DENND2B: variants seen among roughly 807,000 people sequenced by gnomAD.
DENND2B encodes DENN domain-containing protein 2B.
Under a neutral mutation model 116.0 loss-of-function variants are expected in DENND2B, and 32 were observed. The observed-to-expected ratio is 0.28, with a 90% confidence interval of 0.21 to 0.37. The LOEUF (loss-of-function observed/expected upper bound fraction) is 0.37. Ranked by LOEUF, DENND2B falls within the 10% of genes least tolerant of loss-of-function variation. The pLI is 1.00. For missense variants in DENND2B, 1,276 were observed against 1,477.7 expected (o/e 0.86, Z 2.24); for synonymous variants, 588 against 583.9 (o/e 1.01, Z -0.10).
At chr11:8,718,947 T>C in intron 4 of DENND2B, 1 of 988,436 alleles carries the variant, frequency 1.0e-6, no homozygotes, top group Non-Finnish European at 1.2e-6. Flanking sequence ...AACAGGTCCC[T>C]GGGGAACTCA....
intron 1 of DENND2B, among the ~76,000 whole-genome samples, chr11:8,807,437 T>C (rs1016020788): frequency 6.6e-6 from 1 of 152,056 alleles, no homozygotes; most frequent in Admixed American, 6.5e-5. Context: ...CCATGATACT[T>C]GGATTGCCCT....
chr11:8,756,534 C>T (rs1033404076), intron 1 of DENND2B, among the ~76,000 whole-genome samples: 3 of 152,206 alleles, frequency 2.0e-5, no homozygotes, highest in Non-Finnish European at 2.9e-5. Context: ...CTCACAGGGG[C>T]GCACTAGGTT....
intron 2 of DENND2B, among the ~76,000 whole-genome samples, chr11:8,731,615 A>G (rs541322183): frequency 3.3e-5 from 5 of 152,282 alleles, no homozygotes; most frequent in African/African-American, 1.2e-4. Context: ...TTAGAGAGGC[A>G]GAGGCAAGAG....
intron 3 of DENND2B, among the ~76,000 whole-genome samples, chr11:8,726,985 A>C (rs916507439): frequency 6.6e-6 from 1 of 152,076 alleles, no homozygotes; most frequent in Non-Finnish European, 1.5e-5. Flanking sequence ...CCTTTGGACA[A>C]CCTTCCTCTC....
intron 8 of DENND2B, among the ~76,000 whole-genome samples, chr11:8,713,095 C>T (rs934876166): frequency 1.1e-5 from 1 of 88,522 alleles, no homozygotes; most frequent in African/African-American, 4.3e-5. Flanking sequence ...CCTTGGGCCC[C>T]TAGCAGGACA....
chr11:8,718,611 C>A, intron 4 of DENND2B: 1 of 1,339,220 alleles, frequency 7.5e-7, no homozygotes, highest in South Asian at 2.0e-5. Context: ...TCAACACTCC[C>A]CTTTTGGAAC....
chr11:8,806,908 C>CTTTTTTTTT (rs71059181), intron 1 of DENND2B, among the ~76,000 whole-genome samples: 15 of 146,486 alleles, frequency 1.0e-4, no homozygotes, highest in Non-Finnish European at 9.0e-5. Flanking sequence ...GCCAGATGGT[C>CTTTTTTTTT]TTTTTTTTTT....
intron 3 of DENND2B, among the ~76,000 whole-genome samples, chr11:8,849,426 G>C (rs2062925937): frequency 6.8e-6 from 1 of 147,288 alleles, no homozygotes; most frequent in African/African-American, 2.5e-5. Flanking sequence ...CTGGGAGGTG[G>C]AGGTTGCCAT....
At chr11:8,786,915 T>C (rs2058964400) in intron 1 of DENND2B, 1 of 152,252 alleles carries the variant, frequency 6.6e-6, no homozygotes, top group Admixed American at 6.5e-5. Context: ...TTCTATGTTA[T>C]TAACATGACT....
At chr11:8,729,169 G>A (rs1362647018) in intron 3 of DENND2B, among the ~76,000 whole-genome samples, 1 of 152,214 alleles carries the variant, frequency 6.6e-6, no homozygotes, top group Non-Finnish European at 1.5e-5. Context: ...GGGGTTAGAT[G>A]AGAATGGCAG....
intron 2 of DENND2B, among the ~76,000 whole-genome samples, chr11:8,861,722 T>C (rs1411607600): frequency 1.3e-5 from 2 of 152,176 alleles, no homozygotes; most frequent in African/African-American, 4.8e-5. Flanking sequence ...AAAAAGATAC[T>C]TGCACAAATA....
rs901874697 is a variant in DENND2B, at chr11:8,861,412, C to T, written c.-249-3976G>A. The stretch of plus-strand genomic sequence containing the variant: ...TGAAAAGAAGATATACAAATAGCCA[C>T]GAAATATATGAAAAAAATGCTCAAC... On this transcript the variant is annotated intron_variant, in intron 2 of 6. Transcript: ENST00000524757. Among the ~76,000 whole-genome samples, 4 of 151,838 alleles carry T rather than the reference C, an allele frequency of 2.6e-5. No individual in the cohort carries two copies. The East Asian group carries it at 5.8e-4, about 22-fold the overall frequency.
upstream of DENND2B, among the ~76,000 whole-genome samples, chr11:8,873,782 A>C (rs1484588459): frequency 6.6e-6 from 1 of 152,230 alleles, no homozygotes; most frequent in African/African-American, 2.4e-5. Flanking sequence ...GAATAAATGA[A>C]AGATAAATAA....
chr11:8,761,222 A>C (rs2054568271), intron 1 of DENND2B, among the ~76,000 whole-genome samples: 1 of 152,246 alleles, frequency 6.6e-6, no homozygotes, highest in Non-Finnish European at 1.5e-5. Flanking sequence ...TGTTTCTCAC[A>C]TAGTTTTAAA....
At chr11:8,804,369 TGG>T (rs34970475) in intron 1 of DENND2B, among the ~76,000 whole-genome samples, 1 of 151,686 alleles carries the variant, frequency 6.6e-6, no homozygotes, top group Non-Finnish European at 1.5e-5. Flanking sequence ...CCATAAGACA[TGG>T]GGAGCTGTCT....
intron 2 of DENND2B, among the ~76,000 whole-genome samples, chr11:8,740,067 G>A (rs1225965255): frequency 6.6e-6 from 1 of 151,738 alleles, no homozygotes. Context: ...GCATGCCCCC[G>A]TGGTCCCAGC....
intron 1 of DENND2B, among the ~76,000 whole-genome samples, chr11:8,797,857 C>G (rs2059970441): frequency 6.6e-6 from 1 of 152,176 alleles, no homozygotes; most frequent in African/African-American, 2.4e-5. Context: ...CACCCCGACA[C>G]CCCCTTGCTC....
In DENND2B at chr11:8,834,283, T is replaced by G. The variant is rs140495520; in HGVS notation, c.-115+5027A>C. Among the ~76,000 whole-genome samples the G allele has an allele frequency of 4.3e-3, 661 of 152,286 alleles. 9 individuals are homozygous for G. Among genetic ancestry groups the G allele is most frequent in the African/African-American group, 0.015 (624 of 41,552 alleles). ...ACACAGTGCACTGGGACATCTTCAGTTTTCATAGATTAGCAGCATATGCGT... is the reference window on the plus strand; with the variant it reads ...ACACAGTGCACTGGGACATCTTCAGGTTTCATAGATTAGCAGCATATGCGT... On this transcript the variant is annotated intron_variant, in intron 4 of 6. Coordinates refer to the DENND2B transcript ENST00000524757.
intron 4 of DENND2B, among the ~76,000 whole-genome samples, chr11:8,824,445 T>C (rs1417406996): frequency 6.6e-6 from 1 of 152,188 alleles, no homozygotes; most frequent in Non-Finnish European, 1.5e-5. Flanking sequence ...AGTGAGAACA[T>C]GCGGTATTTG....
Sources: gnomAD v4.1 joint callset for allele counts (sites outside exome capture counted in the v4.1 genomes callset) on GRCh38, gnomAD v4.1.1 for gene constraint, MANE v1.5 for transcripts, NCBI Gene and HGNC (gene_info 2026-07-23, HGNC 2026-07-21) for gene names.